Variants in DLG2 observed in about 807,000 individuals in gnomAD.
The protein encoded by DLG2 is discs large MAGUK scaffold protein 2.
DLG2 carries 45 observed loss-of-function variants against 132.5 expected under a neutral mutation model. The ratio of observed to expected loss-of-function variants is 0.34; its 90% CI spans 0.27 to 0.44. DLG2 has a LOEUF of 0.44. Among genes scored for constraint, DLG2 ranks in the 20% least tolerant of loss-of-function variants. The pLI, the probability that DLG2 is intolerant of heterozygous loss-of-function variation, is 1.00. For missense variants in DLG2, 1,045 were observed against 1,196.9 expected, an observed-to-expected ratio of 0.87 and a Z score of 1.87; for synonymous variants, 424 against 419.6, an observed-to-expected ratio of 1.01 and a Z score of -0.13.
chr11:83,875,338 T>A (rs925513487), intron 15 of DLG2, among the ~76,000 whole-genome samples: 6 of 152,190 alleles, frequency 3.9e-5, no homozygotes, highest in African/African-American at 1.4e-4. Flanking sequence ...TAAATTTTTA[T>A]GTCTCTTATT....
intron 6 of DLG2, among the ~76,000 whole-genome samples, chr11:85,022,805 C>A (rs1251625208): frequency 6.6e-6 from 1 of 152,096 alleles, no homozygotes; most frequent in Non-Finnish European, 1.5e-5. Flanking sequence ...TTTAATCCAT[C>A]CATAAGAACC....
chr11:85,417,173 A>G (rs1315285738), intron 3 of DLG2, among the ~76,000 whole-genome samples: 3 of 152,156 alleles, frequency 2.0e-5, no homozygotes, highest in South Asian at 4.1e-4. Context: ...AATTTTATCA[A>G]AGGCCTTTTC....
rs1352116995 is a variant in DLG2 at position 83,704,674 on chromosome 11, AAT to A, written c.1826-71351_1826-71350del. 4.0e-4 allele frequency among the ~76,000 whole-genome samples: 60 copies of A among 150,610 alleles called. 1 individual carries two copies. Among genetic ancestry groups the A allele is most frequent in the African/African-American group, 1.3e-3 (52 of 41,064 alleles). The stretch of plus-strand genomic sequence containing the variant: ...TCTACTAAAAAAAAAAAAAAAAAAA[AAT>A]ATTAGCTGGGCGTGGTGGCACAGGC... On this transcript the variant is annotated intron_variant, in intron 18 of 27. Coordinates refer to ENST00000376104, the MANE Select transcript of DLG2 (RefSeq NM_001142699.3).
At chr11:84,739,528 A>G (rs980140082) in intron 6 of DLG2, among the ~76,000 whole-genome samples, 1 of 152,210 alleles carries the variant, frequency 6.6e-6, no homozygotes, top group East Asian at 1.9e-4. Flanking sequence ...AAAATATTTT[A>G]TATCACTAGG....
intron 11 of DLG2, among the ~76,000 whole-genome samples, chr11:84,044,443 G>A (rs1173312350): frequency 6.6e-6 from 1 of 151,538 alleles, no homozygotes; most frequent in Non-Finnish European, 1.5e-5. Context: ...GAATTATTTT[G>A]TTTTCCCACG....
At chr11:84,063,967 G>T (rs1188903708) in intron 10 of DLG2, among the ~76,000 whole-genome samples, 1 of 150,932 alleles carries the variant, frequency 6.6e-6, no homozygotes, top group African/African-American at 2.4e-5. Context: ...CTGTTGTGGG[G>T]TGGGGGGCTG....
chr11:84,583,848 C>T (rs1035570467), intron 6 of DLG2, among the ~76,000 whole-genome samples: 3 of 152,062 alleles, frequency 2.0e-5, no homozygotes, highest in Non-Finnish European at 2.9e-5. Context: ...TGCTCAACAT[C>T]ATGATTCCAT....
chr11:83,837,723 CAAAAAAAAAAA>C (rs386374350), intron 16 of DLG2, among the ~76,000 whole-genome samples: 1 of 45,948 alleles, frequency 2.2e-5, no homozygotes, highest in Non-Finnish European at 3.6e-5. Flanking sequence ...ACATAGCAAG[CAAAAAAAAAAA>C]AAAAAAAAAA....
intron 3 of DLG2, among the ~76,000 whole-genome samples, chr11:85,316,469 C>T (rs2080684246): frequency 6.6e-6 from 1 of 151,888 alleles, no homozygotes; most frequent in Non-Finnish European, 1.5e-5. Flanking sequence ...ACCTCAAAAT[C>T]TCAAAGGGAC....
At chr11:84,224,506 T>C (rs1268740612) in intron 8 of DLG2, among the ~76,000 whole-genome samples, 1 of 152,216 alleles carries the variant, frequency 6.6e-6, no homozygotes, top group Non-Finnish European at 1.5e-5. Context: ...GGGAAAATCA[T>C]GATAATGACA....
chr11:84,555,113 TG>T (rs1030664985), intron 6 of DLG2, among the ~76,000 whole-genome samples: 2 of 151,938 alleles, frequency 1.3e-5, no homozygotes, highest in African/African-American at 4.8e-5. Context: ...CTAAGAAAAA[TG>T]GGAAGTCAAC....
intron 7 of DLG2, among the ~76,000 whole-genome samples, chr11:84,322,718 T>C (rs1161438002): frequency 1.3e-5 from 2 of 151,884 alleles, no homozygotes; most frequent in Non-Finnish European, 2.9e-5. Flanking sequence ...GCATCCCGAG[T>C]AGCTGGAATT....
At chr11:84,624,904 C>CTGGAG (rs2099619880) in intron 6 of DLG2, among the ~76,000 whole-genome samples, 1 of 109,684 alleles carries the variant, frequency 9.1e-6, no homozygotes, top group Non-Finnish European at 1.8e-5. Flanking sequence ...GTCGCCCAGG[C>CTGGAG]TGGAGTGCAG....
chr11:84,957,129 A>G (rs1345987760), intron 6 of DLG2, among the ~76,000 whole-genome samples: 5 of 152,176 alleles, frequency 3.3e-5, no homozygotes, highest in African/African-American at 1.2e-4. Context: ...TTTTCATTTG[A>G]CAGATGATGA....
chr11:84,449,779 C>G lies in DLG2; in HGVS notation c.519+84791G>C, dbSNP rs191370706. Among the ~76,000 whole-genome samples, 397 of 151,474 alleles carry G rather than the reference C, an allele frequency of 2.6e-3. 2 individuals carry two copies. Among genetic ancestry groups the G allele is most frequent in the Non-Finnish European group, 4.0e-3 (273 of 67,646 alleles). On this transcript the variant is annotated intron_variant, in intron 7 of 27. Coordinates refer to ENST00000376104, the MANE Select transcript of DLG2 (RefSeq NM_001142699.3). ...ATTTTAAAAGGGAACTTATTGCCAT[C>G]CGAATAAACACAAGGGTTTGTTTTC...
chr11:84,606,818 C>CCT (rs1263670833), intron 6 of DLG2, among the ~76,000 whole-genome samples: 21 of 152,068 alleles, frequency 1.4e-4, no homozygotes, highest in Non-Finnish European at 2.9e-5. Context: ...GCGTTAAGCT[C>CCT]CTCTTTCTAC....
intron 7 of DLG2, among the ~76,000 whole-genome samples, chr11:84,504,710 C>G (rs552057604): frequency 5.2e-4 from 79 of 152,058 alleles, no homozygotes; most frequent in African/African-American, 1.8e-3. Flanking sequence ...GGCACCAGTG[C>G]TTGTTAGAAA....
intron 15 of DLG2, among the ~76,000 whole-genome samples, chr11:83,887,377 C>A (rs1001306721): frequency 2.3e-4 from 35 of 151,956 alleles, no homozygotes; most frequent in African/African-American, 8.2e-4. Context: ...TCGACACATA[C>A]ACCCTCCCAA....
At chr11:85,508,189 C>A (rs1274227907) in intron 3 of DLG2, among the ~76,000 whole-genome samples, 1 of 152,116 alleles carries the variant, frequency 6.6e-6, no homozygotes, top group African/African-American at 2.4e-5. Flanking sequence ...TATTACCAAT[C>A]ATGTGAAGCT....
Sources: gnomAD v4.1 joint callset for allele counts (sites outside exome capture counted in the v4.1 genomes callset) on GRCh38, gnomAD v4.1.1 for gene constraint, MANE v1.5 for transcripts, NCBI Gene and HGNC (gene_info 2026-07-23, HGNC 2026-07-21) for gene names.